The following MARCHF1 variants were observed in gnomAD, a reference collection of about 807,000 sequenced individuals.
MARCHF1 encodes the protein membrane associated ring-CH-type finger 1, also known as E3 ubiquitin-protein ligase MARCHF1.
Under a neutral mutation model 54.2 loss-of-function variants are expected in MARCHF1, and 40 were observed. That is an observed-to-expected ratio of 0.74 (90% CI 0.57 to 0.96). The LOEUF (loss-of-function observed/expected upper bound fraction) is 0.96. MARCHF1 is among the 40% of genes least tolerant of loss of function. The pLI, the probability that MARCHF1 is intolerant of heterozygous loss-of-function variation, is 0.00. For missense variants in MARCHF1, 586 were observed against 656.5 expected (o/e 0.89, Z 1.17); for synonymous variants, 236 against 236.3 (o/e 1.00, Z 0.01).
chr4:164,181,046 G>A (rs370803626), intron 1 of MARCHF1, among the ~76,000 whole-genome samples: 1 of 152,066 alleles, frequency 6.6e-6, no homozygotes, highest in Non-Finnish European at 1.5e-5. Flanking sequence ...TTTTACTGGA[G>A]TCCCACTGCT....
chr4:164,259,400 G>T (rs904451652), intron 1 of MARCHF1, among the ~76,000 whole-genome samples: 3 of 151,684 alleles, frequency 2.0e-5, no homozygotes, highest in Non-Finnish European at 4.4e-5. Flanking sequence ...AAAATTAGCT[G>T]GGAGGTAGTG....
intron 1 of MARCHF1, among the ~76,000 whole-genome samples, chr4:164,285,260 T>C (rs1291637535): frequency 1.3e-5 from 2 of 151,940 alleles, no homozygotes; most frequent in African/African-American, 4.8e-5. Context: ...CCTGAAGCAG[T>C]GGTACCATGT....
At chr4:164,089,085 C>T (rs1755248850) in intron 2 of MARCHF1, among the ~76,000 whole-genome samples, 2 of 152,006 alleles carry the variant, frequency 1.3e-5, no homozygotes, top group African/African-American at 4.8e-5. Flanking sequence ...TTAAATTGTA[C>T]TTAACTATAA....
At chr4:163,904,684 TG>T (rs1340663194) in intron 3 of MARCHF1, among the ~76,000 whole-genome samples, 1 of 152,172 alleles carries the variant, frequency 6.6e-6, no homozygotes. Flanking sequence ...ACCATTTCTA[TG>T]AATAGGTCCC....
rs940690813 is a variant in MARCHF1 at position 163,527,883 on chromosome 4, T to C, written c.*865A>G. The C allele has an allele frequency of 6.6e-6, 1 of 152,134 alleles. No homozygotes were observed. Among genetic ancestry groups the C allele is most frequent in the Non-Finnish European group, 1.5e-5 (1 of 67,974 alleles). The allele number at this position is 152,134 out of a possible 1,614,324, so 9.4% of individuals were successfully genotyped here. On this transcript the variant is annotated 3_prime_UTR_variant, in exon 10 of 10. Transcript: ENST00000514618. ...AATAACATATAGTGTTTTTAAAAAA[T>C]CAAAATTCATTTTAACAAACAAACA...
At chr4:164,182,625 A>G (rs913927109) in intron 1 of MARCHF1, among the ~76,000 whole-genome samples, 2 of 151,954 alleles carry the variant, frequency 1.3e-5, no homozygotes, top group African/African-American at 4.8e-5. Context: ...ATGTATGTGC[A>G]AGAAAAACCA....
rs112134026 is a variant in MARCHF1 at position 163,580,299 on chromosome 4, C to A, written c.1191+5450G>T. 4.0e-4 allele frequency among the ~76,000 whole-genome samples: 61 copies of A among 152,064 alleles called. 1 individual carries two copies. Among genetic ancestry groups the A allele is most frequent in the African/African-American group, 1.4e-3 (59 of 41,496 alleles). ...TTCACCATGGTGGCCAGGCTGGTCT[C>A]GGTCTCCTGACCTCGTGATCCGCCC... On this transcript the variant is annotated intron_variant, in intron 8 of 9. Coordinates refer to ENST00000514618, the MANE Select transcript of MARCHF1 (RefSeq NM_001394959.1).
intron 3 of MARCHF1, among the ~76,000 whole-genome samples, chr4:163,961,987 GT>G (rs1202217184): frequency 3.3e-5 from 5 of 151,808 alleles, no homozygotes; most frequent in Non-Finnish European, 7.4e-5. Context: ...TTTAACATTT[GT>G]TTTTACTTTA....
chr4:163,845,481 ACAC>A (rs1263690416), intron 4 of MARCHF1, among the ~76,000 whole-genome samples: 16 of 151,516 alleles, frequency 1.1e-4, no homozygotes, highest in Non-Finnish European at 2.1e-4. Context: ...ACACACACAC[ACAC>A]ACACACACAC....
intron 1 of MARCHF1, among the ~76,000 whole-genome samples, chr4:164,355,312 T>A (rs1422684970): frequency 1.3e-5 from 1 of 78,674 alleles, no homozygotes; most frequent in Non-Finnish European, 2.6e-5. Flanking sequence ...GCCAAGTCAA[T>A]CCTAAGCCAA....
At chr4:163,664,988 T>C (rs1743480715) in intron 5 of MARCHF1, among the ~76,000 whole-genome samples, 1 of 152,190 alleles carries the variant, frequency 6.6e-6, no homozygotes, top group African/African-American at 2.4e-5. Flanking sequence ...TATGCTAAAA[T>C]AGTCACAAAA....
At chr4:164,142,008 G>A (rs1756551781) in intron 1 of MARCHF1, among the ~76,000 whole-genome samples, 1 of 152,218 alleles carries the variant, frequency 6.6e-6, no homozygotes, top group African/African-American at 2.4e-5. Context: ...GCCTCACTCA[G>A]GAAGCACAAG....
intron 5 of MARCHF1, among the ~76,000 whole-genome samples, chr4:163,637,427 G>A (rs1227846181): frequency 6.6e-6 from 1 of 152,024 alleles, no homozygotes; most frequent in Admixed American, 6.5e-5. Context: ...CAAAAAGTGG[G>A]CGAAGGACAT....
chr4:164,265,958 A>G (rs1360768761), intron 1 of MARCHF1, among the ~76,000 whole-genome samples: 1 of 152,164 alleles, frequency 6.6e-6, no homozygotes, highest in African/African-American at 2.4e-5. Flanking sequence ...AATAATTGGG[A>G]GATTTTGTTG....
At chr4:163,759,062 C>T (rs13136324) in intron 4 of MARCHF1, among the ~76,000 whole-genome samples, 43,820 of 151,532 alleles carry the variant, frequency 0.29, 7,679 homozygotes, top group Non-Finnish European at 0.4. Flanking sequence ...AAGTTTCATT[C>T]TTTCTATGTA....
At chr4:163,552,443 G>A (rs900431711) in intron 8 of MARCHF1, among the ~76,000 whole-genome samples, 1 of 152,200 alleles carries the variant, frequency 6.6e-6, no homozygotes, top group Non-Finnish European at 1.5e-5. Flanking sequence ...CAAGTAATTG[G>A]CAGTCTTACT....
chr4:164,246,593 C>T (rs574343824), intron 1 of MARCHF1, among the ~76,000 whole-genome samples: 1,722 of 45,100 alleles, frequency 0.038, 660 homozygotes, highest in African/African-American at 0.092. Context: ...CAACAAAAGA[C>T]AAAATTGACA....
Position 163,610,053 on chromosome 4 carries a change from G to A in MARCHF1, c.1010+2218C>T, listed in dbSNP as rs1039097647. 1.5e-4 allele frequency among the ~76,000 whole-genome samples: 23 copies of A among 151,940 alleles called. 1 individual carries two copies. The highest frequency in any genetic ancestry group is 7.8e-4 in the East Asian group (4 of 5,148). On this transcript the variant is annotated intron_variant, in intron 7 of 9. Coordinates refer to ENST00000514618, the MANE Select transcript of MARCHF1 (RefSeq NM_001394959.1). ...CTGTTGTGCTAATGGCATTTCCCCC[G>A]CCTTGAGTTCTAACGTAAATTCTAT...
intron 3 of MARCHF1, among the ~76,000 whole-genome samples, chr4:163,942,235 G>C (rs1028991227): frequency 6.6e-6 from 1 of 152,108 alleles, no homozygotes; most frequent in African/African-American, 2.4e-5. Flanking sequence ...GTCCAATTTG[G>C]AAGTTATTCT....
Sources: gnomAD v4.1 joint callset for allele counts (sites outside exome capture counted in the v4.1 genomes callset) on GRCh38, gnomAD v4.1.1 for gene constraint, MANE v1.5 for transcripts, NCBI Gene and HGNC (gene_info 2026-07-23, HGNC 2026-07-21) for gene names.